The following NDRG3 variants were observed in gnomAD, a reference collection of about 807,000 sequenced individuals.
The protein encoded by NDRG3 is NDRG family member 3, also known as protein NDRG3.
NDRG3 carries 23 observed loss-of-function variants against 57.2 expected under a neutral mutation model. The ratio of observed to expected loss-of-function variants is 0.40; its 90% CI spans 0.29 to 0.57. NDRG3 has a LOEUF of 0.57. Ranked by LOEUF, NDRG3 falls within the 20% of genes least tolerant of loss-of-function variation. NDRG3 has a pLI of 0.42. For synonymous variants in NDRG3, 132 were observed against 162.6 expected (o/e 0.81, Z 1.43); for missense variants, 384 against 457.3 (o/e 0.84, Z 1.46).
intron 2 of NDRG3, among the ~76,000 whole-genome samples, chr20:36,715,056 T>A (rs1310204761): frequency 1.0e-3 from 123 of 122,122 alleles, no homozygotes; most frequent in African/African-American, 3.3e-3. Context: ...ATATATATAT[T>A]ATATTTAAGT....
chr20:36,707,726 T>C (rs533689312), intron 2 of NDRG3, among the ~76,000 whole-genome samples: 4 of 151,926 alleles, frequency 2.6e-5, no homozygotes, highest in African/African-American at 9.7e-5. Flanking sequence ...GAAAAAAAAA[T>C]CAATGGCAAT....
At chr20:36,656,474 T>G in intron 14 of NDRG3, 23 bp downstream of exon 14, 1 of 1,613,992 alleles carries the variant, frequency 6.2e-7, no homozygotes, top group Non-Finnish European at 8.5e-7. Context: ...ATTAAATGGG[T>G]GTTTAAAAAA....
At chr20:36,685,038 T>C (rs866214279) in intron 5 of NDRG3, among the ~76,000 whole-genome samples, 13 of 152,260 alleles carry the variant, frequency 8.5e-5, no homozygotes, top group African/African-American at 1.2e-4. Flanking sequence ...GGGTGCCACA[T>C]GAAAAGAACT....
rs760894039 is a variant in NDRG3, at chr20:36,721,748, C to G, written c.-13G>C. 1.3e-6 allele frequency: 2 copies of G among 1,592,668 alleles called. No individual in the cohort carries two copies. The highest frequency in any genetic ancestry group is 2.7e-5 in the African/African-American group (2 of 74,220). On this transcript the variant is annotated 5_prime_UTR_variant, in exon 2 of 16. Transcript: ENST00000349004. ...GAAGTTCATCCATGAGGTCAGATAA[C>G]GAGAGTAGAGGAATCTCAAGAATAA...
At chr20:36,743,590 G>C (rs953444062) in intron 1 of NDRG3, among the ~76,000 whole-genome samples, 1 of 151,782 alleles carries the variant, frequency 6.6e-6, no homozygotes, top group African/African-American at 2.4e-5. Flanking sequence ...CGAGGCAGGC[G>C]GATCACGAGG....
intron 1 of NDRG3, among the ~76,000 whole-genome samples, chr20:36,742,213 C>T (rs1420789713): frequency 1.3e-5 from 2 of 152,120 alleles, no homozygotes; most frequent in Non-Finnish European, 2.9e-5. Flanking sequence ...TTTACTCTTC[C>T]CCAACAGACC....
chr20:36,680,351 G>A (rs1025848507), intron 8 of NDRG3, among the ~76,000 whole-genome samples: 2 of 151,764 alleles, frequency 1.3e-5, no homozygotes, highest in African/African-American at 2.4e-5. Context: ...GCCGGGCATG[G>A]TGGTGGGCAC....
intron 3 of NDRG3, among the ~76,000 whole-genome samples, chr20:36,702,113 T>G (rs1349547929): frequency 2.0e-5 from 3 of 152,114 alleles, no homozygotes; most frequent in African/African-American, 4.8e-5. Flanking sequence ...TTAGTTATAT[T>G]TGCATGACAA....
chr20:36,663,692 G>A (rs1046618937), intron 12 of NDRG3, among the ~76,000 whole-genome samples: 2 of 152,160 alleles, frequency 1.3e-5, no homozygotes, highest in Non-Finnish European at 2.9e-5. Context: ...ATGTATTAAA[G>A]ACTTTGTAAA....
At chr20:36,697,885 T>C (rs776750022) in intron 3 of NDRG3, among the ~76,000 whole-genome samples, 87 of 152,080 alleles carry the variant, frequency 5.7e-4, no homozygotes, top group Non-Finnish European at 8.5e-4. Context: ...ACATATAGTT[T>C]ATACAATCAT....
intron 3 of NDRG3, among the ~76,000 whole-genome samples, chr20:36,699,797 C>T (rs1415231983): frequency 6.6e-6 from 1 of 151,652 alleles, no homozygotes; most frequent in Non-Finnish European, 1.5e-5. Context: ...GGAGATATAA[C>T]AGGTGGGGGT....
In NDRG3 at chr20:36,744,393, G is replaced by GC. The variant is rs771631879; in HGVS notation, c.-49+1651_-49+1652insG. Among the ~76,000 whole-genome samples, 8 of 144,198 alleles carry GC rather than the reference G, an allele frequency of 5.5e-5. No individual in the cohort carries two copies. In the East Asian group the frequency reaches 1.4e-3, roughly 24 times the overall value. The allele number at this position is 144,198 out of a possible 152,430, so 94.6% of individuals were successfully genotyped here. ...AACACCACGCTTTGAGTAATGAAAA[G>GC]GGGGGGTGGAAATTAACTGAGTCCT... On this transcript the variant is annotated intron_variant, in intron 1 of 15. Coordinates refer to ENST00000349004, the MANE Select transcript of NDRG3 (RefSeq NM_032013.4).
intron 8 of NDRG3, among the ~76,000 whole-genome samples, chr20:36,679,735 C>T (rs565297737): frequency 6.6e-6 from 1 of 151,920 alleles, no homozygotes; most frequent in Non-Finnish European, 1.5e-5. Context: ...AACTCCTGAC[C>T]TCAGGTGATC....
chr20:36,743,775 G>A (rs1986037285), intron 1 of NDRG3, among the ~76,000 whole-genome samples: 2 of 150,708 alleles, frequency 1.3e-5, no homozygotes, highest in Non-Finnish European at 3.0e-5. Flanking sequence ...CCGAGATGGC[G>A]CCACTGTACT....
chr20:36,738,098 T>G (rs898860390), intron 1 of NDRG3, among the ~76,000 whole-genome samples: 24 of 151,522 alleles, frequency 1.6e-4, no homozygotes, highest in Non-Finnish European at 3.1e-4. Context: ...CCATACAAAA[T>G]TTAGGTATCG....
intron 3 of NDRG3, among the ~76,000 whole-genome samples, chr20:36,693,105 A>AAAAAAAAT (rs56739356): frequency 3.9e-5 from 1 of 25,856 alleles, no homozygotes; most frequent in Non-Finnish European, 6.6e-5. Context: ...AAAAAAAAAA[A>AAAAAAAAT]ATATATATAT....
chr20:36,744,666 A>C (rs1466188995), intron 1 of NDRG3, among the ~76,000 whole-genome samples: 1 of 152,184 alleles, frequency 6.6e-6, no homozygotes, highest in Non-Finnish European at 1.5e-5. Context: ...TGGGGGAGAA[A>C]CATTCACATA....
At chr20:36,716,719 T>C (rs745998943) in intron 2 of NDRG3, among the ~76,000 whole-genome samples, 7 of 152,112 alleles carry the variant, frequency 4.6e-5, no homozygotes, top group African/African-American at 1.4e-4. Context: ...CAGGGTTCAG[T>C]AGTATCTGAA....
At chr20:36,671,431 A>C in intron 8 of NDRG3, 34 bp from the exon 9 acceptor site, 1 of 1,557,544 alleles carries the variant, frequency 6.4e-7, no homozygotes, top group South Asian at 1.1e-5. Context: ...TAAGAATGTA[A>C]GCATATGCAA....
Sources: gnomAD v4.1 joint callset for allele counts (sites outside exome capture counted in the v4.1 genomes callset) on GRCh38, gnomAD v4.1.1 for gene constraint, MANE v1.5 for transcripts, NCBI Gene and HGNC (gene_info 2026-07-23, HGNC 2026-07-21) for gene names.